RAPGEF2: variants seen among roughly 807,000 people sequenced by gnomAD.
RAPGEF2 encodes the protein Rap guanine nucleotide exchange factor 2.
RAPGEF2 carries 54 observed loss-of-function variants against 186.7 expected under a neutral mutation model. The ratio of observed to expected loss-of-function variants is 0.29; its 90% CI spans 0.23 to 0.36. The LOEUF is 0.36. RAPGEF2 is among the 10% of genes least tolerant of loss of function. The pLI is 1.00. For synonymous variants in RAPGEF2, 712 were observed against 705.9 expected (o/e 1.01, Z -0.14); for missense variants, 1,532 against 2,045.0 (o/e 0.75, Z 4.84).
chr4:159,145,680 C>T (rs1579301624), intron 1 of RAPGEF2, among the ~76,000 whole-genome samples: 1 of 152,230 alleles, frequency 6.6e-6, no homozygotes, highest in South Asian at 2.1e-4. Flanking sequence ...TTAGTGGCTA[C>T]CATGTTAGAT....
intron 7 of RAPGEF2, among the ~76,000 whole-genome samples, chr4:159,270,242 C>T (rs1419649613): frequency 6.6e-6 from 1 of 152,098 alleles, no homozygotes; most frequent in African/African-American, 2.4e-5. Context: ...ATTGAGTTTG[C>T]TGTGTAATAA....
chr4:159,298,817 C>T (rs1253816376), intron 7 of RAPGEF2, among the ~76,000 whole-genome samples: 3 of 152,166 alleles, frequency 2.0e-5, no homozygotes, highest in African/African-American at 7.2e-5. Context: ...AAGGGACCTG[C>T]GCCTTGCAGA....
At position 159,329,908 on chromosome 4, in the gene RAPGEF2, A is replaced by G. The variant is rs1192888927; in HGVS notation, c.1200A>G (p.Glu400=). ...ACTGCCGTATTCTCAATCAAGTAGA[A>G]AAGAACATGCAAAAAGTTGAAGAGG... ...QDYCRILNQV[E]KNMQKVEEEG... is the part of the protein sequence containing the mutation. The change falls in exon 12 of 30, where the codon GAA becomes GAG. Residue 400 remains glutamate (E), a synonymous_variant. Transcript: ENST00000691494. The G allele has an allele frequency of 2.5e-6, 4 of 1,613,572 alleles. No homozygotes were observed. In the African/African-American group the frequency reaches 5.3e-5, roughly 22 times the overall value.
At chr4:159,281,694 AAG>A (rs1418921664) in intron 7 of RAPGEF2, among the ~76,000 whole-genome samples, 5 of 151,170 alleles carry the variant, frequency 3.3e-5, no homozygotes, top group African/African-American at 1.2e-4. Context: ...AAAAAAAGAA[AAG>A]GAAAAGGAAA....
chr4:159,125,726 C>T (rs941015528), intron 1 of RAPGEF2, among the ~76,000 whole-genome samples: 1 of 151,062 alleles, frequency 6.6e-6, no homozygotes, highest in Non-Finnish European at 1.5e-5. Context: ...GCACTGCACT[C>T]CAGCCTGGGC....
chr4:159,222,352 G>A (rs1360241269), intron 4 of RAPGEF2, among the ~76,000 whole-genome samples: 3 of 152,198 alleles, frequency 2.0e-5, no homozygotes, highest in East Asian at 3.8e-4. Flanking sequence ...TTTTTTGTGT[G>A]TATAGTTGAT....
intron 3 of RAPGEF2, among the ~76,000 whole-genome samples, chr4:159,199,465 C>A (rs979210671): frequency 6.8e-6 from 1 of 146,308 alleles, no homozygotes; most frequent in Non-Finnish European, 1.5e-5. Context: ...AGTCTGTTCC[C>A]GATGGTTTTT....
In RAPGEF2 at chr4:159,348,664, TCAGTC is replaced by T. The variant is rs560618754; in HGVS notation, c.3713-1472_3713-1468del. 2.5e-3 allele frequency among the ~76,000 whole-genome samples: 382 copies of T among 152,358 alleles called. 1 individual carries two copies. Among genetic ancestry groups the T allele is most frequent in the African/African-American group, 8.5e-3 (355 of 41,590 alleles). ...GCAGAACTTCTCATATGGAAGATTA[TCAGTC>T]TTCACTTTAGCTAAAAATGCCTATT... is the stretch of plus-strand genomic sequence containing the variant. On this transcript the variant is annotated intron_variant, in intron 25 of 29. Transcript: ENST00000691494.
intron 17 of RAPGEF2, among the ~76,000 whole-genome samples, 187 bp from the exon 18 acceptor site, chr4:159,338,124 A>G (rs1225789024): frequency 6.6e-6 from 1 of 151,918 alleles, no homozygotes; most frequent in Non-Finnish European, 1.5e-5. Flanking sequence ...AAACAAAAAC[A>G]GGAAAATGAG....
In RAPGEF2 at chr4:159,357,239, T is replaced by C. The variant is rs111238352; in HGVS notation, c.4958-875T>C. On this transcript the variant is annotated intron_variant, in intron 29 of 29. Transcript: ENST00000691494. ...ACCCAGGCGTGGTGGCGTGTGCCAATAGTCCTAGCTACTATGGAGGCTGAA... is the reference window on the plus strand; with the variant it reads ...ACCCAGGCGTGGTGGCGTGTGCCAACAGTCCTAGCTACTATGGAGGCTGAA... 6.9e-3 allele frequency among the ~76,000 whole-genome samples: 1,046 copies of C among 152,246 alleles called. 12 individuals are homozygous for C. The highest frequency in any genetic ancestry group is 0.024 in the African/African-American group (986 of 41,526).
intron 17 of RAPGEF2, among the ~76,000 whole-genome samples, chr4:159,334,762 T>C (rs2111223705): frequency 6.6e-6 from 1 of 152,360 alleles, no homozygotes; most frequent in East Asian, 1.9e-4. Context: ...TTTTGTTCTA[T>C]GTGTATTTAG....
intron 29 of RAPGEF2, 115 bp from the exon 30 acceptor site, chr4:159,357,999 C>T: frequency 9.3e-7 from 1 of 1,078,742 alleles, no homozygotes; most frequent in South Asian, 1.8e-5. Flanking sequence ...GTGAGCTATA[C>T]TAAAAAGAAT....
rs763424019 is a variant in RAPGEF2, at chr4:159,352,783, G to A, written c.3964G>A (p.Asp1322Asn). Residue 1322 changes from aspartate (D) to asparagine (N), a missense_variant, in exon 27 of 30, where the codon GAC (aspartate) becomes AAC (asparagine). Coordinates refer to ENST00000691494, the MANE Select transcript of RAPGEF2 (RefSeq NM_001394067.2). ...CAGTATTGTTAGCAATTCGTCTTTT[G>A]ACTCAGTGCCAGTCTCACTGCACGA... ...RSSIVSNSSF[D>N]SVPVSLHDER... 3 of 1,614,136 alleles carry A rather than the reference G, an allele frequency of 1.9e-6. No individual in the cohort carries two copies. In the South Asian group the frequency reaches 3.3e-5, roughly 18 times the overall value.
intron 1 of RAPGEF2, among the ~76,000 whole-genome samples, chr4:159,119,646 T>G (rs1018055084): frequency 1.3e-5 from 2 of 152,240 alleles, no homozygotes; most frequent in Non-Finnish European, 2.9e-5. Context: ...TTCAACTTCT[T>G]GGTTCGCTTA....
chr4:159,125,187 G>A (rs1296027903), intron 1 of RAPGEF2, among the ~76,000 whole-genome samples: 1 of 152,152 alleles, frequency 6.6e-6, no homozygotes, highest in East Asian at 1.9e-4. Context: ...TATGTTAGGT[G>A]CTTTGCTCAA....
chr4:159,137,540 T>G (rs1287605730), intron 1 of RAPGEF2, among the ~76,000 whole-genome samples: 1 of 152,174 alleles, frequency 6.6e-6, no homozygotes, highest in Non-Finnish European at 1.5e-5. Flanking sequence ...ATATGAATTT[T>G]AGGGGAATAC....
chr4:159,329,295 T>A (rs1354427248), intron 11 of RAPGEF2: 1 of 152,172 alleles, frequency 6.6e-6, no homozygotes, highest in Non-Finnish European at 1.5e-5. Flanking sequence ...ATACCAGTTA[T>A]AAGGATAATG....
chr4:159,305,442 G>GA (rs1763166773), intron 8 of RAPGEF2, among the ~76,000 whole-genome samples: 1 of 152,046 alleles, frequency 6.6e-6, no homozygotes, highest in Admixed American at 6.6e-5. Flanking sequence ...GTGATATTAA[G>GA]CATTTTTTCA....
chr4:159,236,231 G>T (rs1219731219), intron 4 of RAPGEF2, among the ~76,000 whole-genome samples: 1 of 152,126 alleles, frequency 6.6e-6, no homozygotes, highest in African/African-American at 2.4e-5. Flanking sequence ...TCATCAGGCT[G>T]TAGTGCAACT....
Sources: allele counts gnomAD v4.1 joint callset (sites outside exome capture counted in the v4.1 genomes callset), GRCh38; gene constraint gnomAD v4.1.1; transcripts MANE v1.5; gene names NCBI Gene and HGNC (gene_info 2026-07-23, HGNC 2026-07-21).